Variants in CPEB4 observed in about 807,000 individuals in gnomAD.
CPEB4 encodes the protein cytoplasmic polyadenylation element-binding protein 4.
Under a neutral mutation model 72.5 loss-of-function variants are expected in CPEB4, and 12 were observed. The ratio of observed to expected loss-of-function variants is 0.17; its 90% CI spans 0.11 to 0.27. The LOEUF is 0.27. CPEB4 is among the 10% of genes least tolerant of loss of function. The pLI, the probability that CPEB4 is intolerant of heterozygous loss-of-function variation, is 1.00. For synonymous variants in CPEB4, 302 were observed against 326.3 expected (o/e 0.93, Z 0.80); for missense variants, 614 against 908.5 (o/e 0.68, Z 4.17).
intron 3 of CPEB4, among the ~76,000 whole-genome samples, chr5:173,939,214 AGG>A (rs1757737619): frequency 6.6e-6 from 1 of 152,212 alleles, no homozygotes. Context: ...GTACACAATA[AGG>A]ATTCTACAAT....
At chr5:173,901,796 C>T (rs1463610347) in intron 1 of CPEB4, among the ~76,000 whole-genome samples, 1 of 152,124 alleles carries the variant, frequency 6.6e-6, no homozygotes, top group Non-Finnish European at 1.5e-5. Context: ...AACACAGAGC[C>T]AGGAGGAACA....
rs552762725 is a variant in CPEB4, at chr5:173,927,083, G to A, written c.1208-5367G>A. ...GGAGAATCACTTGAACCTGGGAGGC[G>A]GAGGTTGCAGTGAGCCAAGATCGTG... On this transcript the variant is annotated intron_variant, in intron 2 of 9. Coordinates refer to ENST00000265085, the MANE Select transcript of CPEB4 (RefSeq NM_030627.4). Among the ~76,000 whole-genome samples the A allele has an allele frequency of 2.4e-4, 37 of 152,184 alleles. No individual in the cohort carries two copies. In the East Asian group the frequency reaches 6.6e-3, roughly 27 times the overall value.
At chr5:173,914,106 G>C (rs1433824388) in intron 2 of CPEB4, among the ~76,000 whole-genome samples, 1 of 152,168 alleles carries the variant, frequency 6.6e-6, no homozygotes, top group Non-Finnish European at 1.5e-5. Context: ...TGAGTGCATG[G>C]ATCTAAAATG....
Position 173,889,995 on chromosome 5 carries a change from CA to C in CPEB4, c.264del (p.Asp89ThrfsTer3). On this transcript the variant is annotated frameshift_variant, in exon 1 of 10. Transcript: ENST00000265085. LOFTEE classifies it high-confidence loss of function. ...AGCAAAAAGTCAGCAACAGGAACAG[CA>C]AGACCCCTTAGAAAAGCAGCAGCTT... is the stretch of plus-strand genomic sequence containing the variant. ...EKAKSQQQEQ[Q>X]DPLEKQQLSP... The C allele has an allele frequency of 6.2e-7, 1 of 1,614,170 alleles. No individual in the cohort carries two copies. Among genetic ancestry groups the C allele is most frequent in the Non-Finnish European group, 8.5e-7 (1 of 1,180,034 alleles).
intron 8 of CPEB4, among the ~76,000 whole-genome samples, chr5:173,952,733 T>A (rs1323004215): frequency 6.6e-6 from 1 of 152,168 alleles, no homozygotes; most frequent in Non-Finnish European, 1.5e-5. Context: ...GGTAAATCTA[T>A]GGCAGCAACA....
At chr5:173,925,489 A>G (rs543589873) in intron 2 of CPEB4, among the ~76,000 whole-genome samples, 4 of 152,342 alleles carry the variant, frequency 2.6e-5, no homozygotes, top group South Asian at 4.1e-4. Flanking sequence ...TTTTGTGTCA[A>G]TACACTAAAT....
Position 173,946,497 on chromosome 5 carries a change from G to A in CPEB4, c.1456+1357G>A, listed in dbSNP as rs145938211. On this transcript the variant is annotated intron_variant, in intron 5 of 9. Transcript: ENST00000265085. ...GGCTGCTTCAGGGAATATTGAAAAT[G>A]TACAAAACCAATAAAGCAGAAATGC... is the stretch of plus-strand genomic sequence containing the variant. 4.3e-3 allele frequency among the ~76,000 whole-genome samples: 651 copies of A among 152,278 alleles called. 7 individuals carry two copies. The highest frequency in any genetic ancestry group is 0.01 in the Middle Eastern group (3 of 294).
chr5:173,919,594 G>A (rs1311211924), intron 2 of CPEB4, among the ~76,000 whole-genome samples: 1 of 152,072 alleles, frequency 6.6e-6, no homozygotes, highest in African/African-American at 2.4e-5. Context: ...CCAAATATCT[G>A]CTTAATAAAA....
At chr5:173,940,161 C>T (rs995781890) in intron 3 of CPEB4, among the ~76,000 whole-genome samples, 6 of 151,988 alleles carry the variant, frequency 3.9e-5, no homozygotes, top group Non-Finnish European at 2.9e-5. Flanking sequence ...ACATATAAAT[C>T]GTAATCATTT....
Position 173,949,515 on chromosome 5 carries a change from C to A in CPEB4, c.1464C>A (p.Ile488=). ...GLPPDIDEDE[I]TASFRRFGPL... is the part of the protein sequence containing the mutation. ...TCCTTTGTTGTTTATTAGATGAGAT[C>A]ACAGCTAGTTTTCGTCGCTTTGGCC... Residue 488 remains isoleucine, a synonymous_variant, in exon 6 of 10, where the codon ATC becomes ATA. Transcript: ENST00000265085. 1 of 1,609,824 alleles carries A rather than the reference C, an allele frequency of 6.2e-7. No homozygotes were observed. The highest frequency in any genetic ancestry group is 8.5e-7 in the Non-Finnish European group (1 of 1,176,730).
Position 173,902,952 on chromosome 5 carries a change from T to G in CPEB4, c.1126-7571T>G, listed in dbSNP as rs147780181. 4.5e-3 allele frequency among the ~76,000 whole-genome samples: 689 copies of G among 152,276 alleles called. 5 individuals are homozygous for G. Among genetic ancestry groups the G allele is most frequent in the African/African-American group, 0.016 (647 of 41,566 alleles). ...GAAGGAATGAGTAATTAGCATATCC[T>G]TTGTTTAGACTGTTTATCTTGGCTT... is the stretch of plus-strand genomic sequence containing the variant. On this transcript the variant is annotated intron_variant, in intron 1 of 9. Coordinates refer to ENST00000265085, the MANE Select transcript of CPEB4 (RefSeq NM_030627.4).
intron 3 of CPEB4, among the ~76,000 whole-genome samples, chr5:173,938,598 T>C (rs1018544020): frequency 6.6e-6 from 1 of 152,142 alleles, no homozygotes; most frequent in Admixed American, 6.5e-5. Flanking sequence ...ATAGAATTGC[T>C]ATTTGTCTTC....
rs1166667122 is a variant in CPEB4 at position 173,953,117 on chromosome 5, C to T, written c.1807C>T (p.Leu603=). 4.3e-6 allele frequency: 7 copies of T among 1,610,936 alleles called. No individual in the cohort carries two copies. The highest frequency in any genetic ancestry group is 1.3e-5 in the African/African-American group (1 of 74,764). The change falls in exon 9 of 10, where the codon CTA becomes TTA. Residue 603 remains leucine, a synonymous_variant. Coordinates refer to ENST00000265085, the MANE Select transcript of CPEB4 (RefSeq NM_030627.4). The part of the protein sequence containing the change: ...AVELAMIMDR[L]YGGVCYAGID... Reference sequence around the variant, plus strand: ...GGAGCTTGCGATGATAATGGATCGGCTATATGGAGGTGTGTGCTACGCTGG... The same window carrying T: ...GGAGCTTGCGATGATAATGGATCGGTTATATGGAGGTGTGTGCTACGCTGG...
chr5:173,904,270 G>A (rs1756344823), intron 1 of CPEB4, among the ~76,000 whole-genome samples: 2 of 152,068 alleles, frequency 1.3e-5, no homozygotes, highest in Admixed American at 1.3e-4. Context: ...ATTGTATCAG[G>A]GTTTTGTGAA....
chr5:173,944,996 G>A lies in CPEB4; in HGVS notation c.1312G>A (p.Gly438Arg). 1 of 1,612,612 alleles carries A rather than the reference G, an allele frequency of 6.2e-7. No individual in the cohort carries two copies. The highest frequency in any genetic ancestry group is 1.3e-5 in the African/African-American group (1 of 74,974). The change falls in exon 5 of 10, where the codon GGA becomes AGA. Residue 438 changes from glycine (G) to arginine (R), a missense_variant. Coordinates refer to ENST00000265085, the MANE Select transcript of CPEB4 (RefSeq NM_030627.4). ...GQSSLFPMED[G>R]FLDDGRGDQP... ...GTCTTCACTGTTTCCAATGGAAGAT[G>A]GATTCTTGGATGATGGCCGTGGGGA...
chr5:173,889,542 G>A lies in CPEB4; in HGVS notation c.-192G>A. 6.2e-6 allele frequency: 3 copies of A among 481,442 alleles called. No individual in the cohort carries two copies. The highest frequency in any genetic ancestry group is 6.6e-5 in the East Asian group (2 of 30,414). 29.8% of individuals were successfully genotyped at this position (481,442 alleles called of 1,614,324 possible). Reference sequence around the variant, plus strand: ...GTTTTAAGAGATTTTTTTAAGAGTTGTTTTTTCTTTCAGAGACCAGAATTC... The same window carrying A: ...GTTTTAAGAGATTTTTTTAAGAGTTATTTTTTCTTTCAGAGACCAGAATTC... On this transcript the variant is annotated 5_prime_UTR_variant, in exon 1 of 10. Coordinates refer to ENST00000265085, the MANE Select transcript of CPEB4 (RefSeq NM_030627.4).
At chr5:173,933,218 G>A (rs938569680) in intron 3 of CPEB4, among the ~76,000 whole-genome samples, 3 of 152,192 alleles carry the variant, frequency 2.0e-5, no homozygotes, top group African/African-American at 7.2e-5. Flanking sequence ...TGTAGAAAAT[G>A]TCTTCCATTT....
chr5:173,941,180 A>G (rs1188619404), intron 3 of CPEB4, among the ~76,000 whole-genome samples: 1 of 152,186 alleles, frequency 6.6e-6, no homozygotes, highest in Admixed American at 6.5e-5. Context: ...TCAAATCGTT[A>G]CTTTGTTTCC....
intron 1 of CPEB4, among the ~76,000 whole-genome samples, chr5:173,909,247 A>ATTTTG (rs1004171949): frequency 7.9e-5 from 12 of 152,108 alleles, no homozygotes; most frequent in Non-Finnish European, 1.2e-4. Flanking sequence ...AAGAATTGAG[A>ATTTTG]TTTTGTTTTG....
Sources: gnomAD v4.1 joint callset for allele counts (sites outside exome capture counted in the v4.1 genomes callset) on GRCh38, gnomAD v4.1.1 for gene constraint, MANE v1.5 for transcripts, NCBI Gene and HGNC (gene_info 2026-07-23, HGNC 2026-07-21) for gene names.